HAUS7: variants seen among roughly 807,000 people sequenced by gnomAD.
HAUS7 encodes HAUS augmin like complex subunit 7, also known as HAUS augmin-like complex subunit 7.
In HAUS7, 3 loss-of-function variants were observed where a neutral mutation model predicts 28.4. The observed-to-expected ratio is 0.11, with a 90% CI of 0.05 to 0.27. The LOEUF (loss-of-function observed/expected upper bound fraction) is 0.27, where lower values mean the gene tolerates loss of function less well. Ranked by LOEUF, HAUS7 falls within the 10% of genes least tolerant of loss-of-function variation. The pLI is 1.00. For missense variants in HAUS7, 284 were observed against 297.3 expected (o/e 0.96, Z 0.33); for synonymous variants, 165 against 132.1 (o/e 1.25, Z -1.71).
At chrX:153,451,057 G>C (rs2089233482) in intron 9 of HAUS7, among the ~76,000 whole-genome samples, 1 of 112,414 alleles carries the variant, frequency 8.9e-6, no homozygotes, top group Non-Finnish European at 1.9e-5. Flanking sequence ...GCCCGCCGTA[G>C]GCCTGCTCCC....
intron 8 of HAUS7, 181 bp downstream of exon 8, chrX:153,455,361 C>T (rs782146757): frequency 3.6e-5 from 16 of 447,136 alleles, no homozygotes; most frequent in Non-Finnish European, 6.2e-5. Context: ...CTGAGGGGCC[C>T]AGAGCCCTGC....
chrX:153,454,550 G>C (rs782103739), intron 8 of HAUS7, 42 bp from the exon 9 acceptor site: 38 of 626,388 alleles, frequency 6.1e-5, no homozygotes, highest in Middle Eastern at 9.5e-4. Context: ...GGGAGGGAGC[G>C]AGCAGGCACT....
At chrX:153,463,863 G>A (rs1556983855) in intron 3 of HAUS7, among the ~76,000 whole-genome samples, 1 of 112,688 alleles carries the variant, frequency 8.9e-6, no homozygotes, top group East Asian at 2.8e-4. Flanking sequence ...CCCAAGCCCT[G>A]CAGGACCCTC....
At chrX:153,474,365 A>G (rs1233999475), upstream of HAUS7, among the ~76,000 whole-genome samples, 1 of 111,782 alleles carries the variant, frequency 8.9e-6, no homozygotes, top group Non-Finnish European at 1.9e-5. Context: ...GCAAGAGCAC[A>G]TTCCGCAGCG....
At chrX:153,471,043 G>A (rs1419533646), upstream of HAUS7, 2 of 322,820 alleles carry the variant, frequency 6.2e-6, no homozygotes, top group Non-Finnish European at 1.2e-5. Flanking sequence ...GGGGCACCCT[G>A]GTTCCCAGGA....
At chrX:153,475,307 C>G (rs1402832947), upstream of HAUS7, among the ~76,000 whole-genome samples, 1 of 111,838 alleles carries the variant, frequency 8.9e-6, no homozygotes, top group Non-Finnish European at 1.9e-5. Context: ...TCCCCCTCCA[C>G]TGGCACCCTC....
chrX:153,471,532 C>G (rs2089524249), upstream of HAUS7, among the ~76,000 whole-genome samples: 1 of 112,876 alleles, frequency 8.9e-6, no homozygotes, highest in Non-Finnish European at 1.9e-5. Flanking sequence ...CCCCAGTTCA[C>G]TGAATGCCCC....
In HAUS7 at chrX:153,456,581, G is replaced by T. The variant is rs149571166; in HGVS notation, c.517C>A (p.His173Asn). The T allele has an allele frequency of 2.6e-5, 30 of 1,175,540 alleles. No homozygotes were observed. The African/African-American group carries it at 3.6e-4, about 14-fold the overall frequency. The change falls in exon 6 of 10, where the codon CAC becomes AAC. Residue 173 changes from histidine (H) to asparagine (N), a missense_variant. Coordinates refer to ENST00000370211, the MANE Select transcript of HAUS7 (RefSeq NM_001385482.1). Reference sequence around the variant, plus strand: ...TCTGGATTCAGGAGCATCTGCAGGTGGGGGCTAGAGAAGAGCTCCCCCAGC... The same window carrying T: ...TCTGGATTCAGGAGCATCTGCAGGTTGGGGCTAGAGAAGAGCTCCCCCAGC... ...ALLGELFSSP[H>N]LQMLLNPECD...
intron 1 of HAUS7, chrX:153,486,555 T>C (rs1224435751): frequency 2.5e-6 from 2 of 813,913 alleles, no homozygotes; most frequent in African/African-American, 4.3e-5. Flanking sequence ...GGGGTCTCTG[T>C]CTCTTCTTGA....
At chrX:153,449,682 T>C (rs781839572) in intron 9 of HAUS7, among the ~76,000 whole-genome samples, 19 of 112,171 alleles carry the variant, frequency 1.7e-4, no homozygotes, top group African/African-American at 6.1e-4. Context: ...TTGGCCCCTG[T>C]ACTCCAGATG....
chrX:153,461,104 C>T (rs1241140207), intron 4 of HAUS7, among the ~76,000 whole-genome samples: 1 of 109,963 alleles, frequency 9.1e-6, no homozygotes, highest in Non-Finnish European at 1.9e-5. Context: ...CTGGAAGGAA[C>T]GGCAGGCAAG....
chrX:153,467,174 A>G (rs1290998695), intron 2 of HAUS7, among the ~76,000 whole-genome samples: 3 of 110,561 alleles, frequency 2.7e-5, no homozygotes, highest in African/African-American at 9.9e-5. Context: ...GTCCTGCCTC[A>G]CCTCCCAGCC....
At chrX:153,463,024 A>G (rs558462063) in intron 3 of HAUS7, 26 of 387,164 alleles carry the variant, frequency 6.7e-5, no homozygotes, top group South Asian at 2.1e-4. Flanking sequence ...AGGCCAAAGC[A>G]AATGGACTCA....
At chrX:153,481,486 G>GGGCACA in intron 1 of HAUS7, 1 of 756,339 alleles carries the variant, frequency 1.3e-6, no homozygotes, top group Non-Finnish European at 1.6e-6. Flanking sequence ...AAGCACACAT[G>GGGCACA]GGCACAGGCA....
chrX:153,458,595 TCTC>T (rs1379309796), intron 4 of HAUS7, among the ~76,000 whole-genome samples: 3 of 112,102 alleles, frequency 2.7e-5, no homozygotes, highest in African/African-American at 6.5e-5. Context: ...TATTTTCACT[TCTC>T]CTGGGTGGAC....
At chrX:153,488,945 G>A (rs1425566170) in intron 1 of HAUS7, among the ~76,000 whole-genome samples, 2 of 112,739 alleles carry the variant, frequency 1.8e-5, no homozygotes, top group African/African-American at 6.4e-5. Context: ...CCTCGGCGGG[G>A]GCTAATCCTC....
intron 2 of HAUS7, among the ~76,000 whole-genome samples, chrX:153,466,744 G>A (rs782442240): frequency 2.8e-4 from 31 of 112,028 alleles, no homozygotes; most frequent in African/African-American, 8.1e-4. Context: ...TCGGTTTCTG[G>A]TATTTACAGA....
At chrX:153,450,673 T>C (rs1368441867) in intron 9 of HAUS7, among the ~76,000 whole-genome samples, 3 of 112,517 alleles carry the variant, frequency 2.7e-5, no homozygotes, top group East Asian at 5.6e-4. Context: ...GTGGTGCTGA[T>C]CCACAGTGCC....
At chrX:153,456,873 T>C in intron 5 of HAUS7, 1 of 441,197 alleles carries the variant, frequency 2.3e-6, no homozygotes, top group Non-Finnish European at 3.9e-6. Flanking sequence ...CACCCTCCTC[T>C]GTGCCTGGCC....
Sources: allele counts gnomAD v4.1 joint callset (sites outside exome capture counted in the v4.1 genomes callset), GRCh38; gene constraint gnomAD v4.1.1; transcripts MANE v1.5; gene names NCBI Gene and HGNC (gene_info 2026-07-23, HGNC 2026-07-21).